PDE1C: variants seen among roughly 807,000 people sequenced by gnomAD.
The protein encoded by PDE1C is phosphodiesterase 1C.
In PDE1C, 62 loss-of-function variants were observed where a neutral mutation model predicts 93.1. The observed-to-expected ratio is 0.67, with a 90% CI of 0.54 to 0.82. PDE1C has a LOEUF of 0.82. Among genes scored for constraint, PDE1C ranks in the 40% least tolerant of loss-of-function variants. The pLI is 0.00. For missense variants in PDE1C, 742 were observed against 884.6 expected, an observed-to-expected ratio of 0.84 and a Z score of 2.04; for synonymous variants, 325 against 310.1, an observed-to-expected ratio of 1.05 and a Z score of -0.50.
chr7:31,685,249 G>A, the PDE1C span, among the ~76,000 whole-genome samples: 1 of 152,174 alleles, frequency 6.6e-6, no homozygotes, highest in African/African-American at 2.4e-5. Flanking sequence ...AAGTGATTGG[G>A]AGCAGGAGGT....
At chr7:31,647,718 A>C in the PDE1C span, among the ~76,000 whole-genome samples, 1 of 151,022 alleles carries the variant, frequency 6.6e-6, no homozygotes, top group Non-Finnish European at 1.5e-5. Context: ...GAAGACGATG[A>C]CGACAACGAC....
intron 2 of PDE1C, among the ~76,000 whole-genome samples, chr7:32,187,648 G>A (rs1231633685): frequency 6.6e-6 from 1 of 152,068 alleles, no homozygotes; most frequent in African/African-American, 2.4e-5. Context: ...ATAATCTAGA[G>A]CAACACTGTT....
chr7:31,922,902 T>C (rs1453970704), intron 2 of PDE1C, among the ~76,000 whole-genome samples: 1 of 152,236 alleles, frequency 6.6e-6, no homozygotes, highest in Non-Finnish European at 1.5e-5. Flanking sequence ...TTTATGACTA[T>C]TGGGAAAGTG....
chr7:32,106,995 A>G (rs915863561), intron 3 of PDE1C, among the ~76,000 whole-genome samples: 1 of 151,758 alleles, frequency 6.6e-6, no homozygotes, highest in African/African-American at 2.4e-5. Flanking sequence ...AAAAAAAAAA[A>G]AAGGAAATGC....
At chr7:32,028,680 A>C (rs973902013) in intron 2 of PDE1C, among the ~76,000 whole-genome samples, 3 of 152,114 alleles carry the variant, frequency 2.0e-5, no homozygotes, top group Non-Finnish European at 4.4e-5. Flanking sequence ...CATCACCTTA[A>C]ATACTTAATT....
At position 32,304,960 on chromosome 7, in the gene PDE1C, A is replaced by G. The variant is rs114024424; in HGVS notation, c.311-95421T>C. Among the ~76,000 whole-genome samples the G allele has an allele frequency of 2.7e-3, 411 of 152,280 alleles. 1 individual carries two copies. The highest frequency in any genetic ancestry group is 9.2e-3 in the African/African-American group (381 of 41,552). On this transcript the variant is annotated intron_variant, in intron 1 of 1. Transcript: ENST00000672256. ...TTCTACAGAGTGCTTAAGTTAATCC[A>G]TAATCAGGGGCAAGAGGAACAGGGT...
At chr7:31,675,994 T>A in the PDE1C span, among the ~76,000 whole-genome samples, 1 of 152,248 alleles carries the variant, frequency 6.6e-6, no homozygotes, top group South Asian at 2.1e-4. Context: ...TTGGCTCCCA[T>A]CTCCCAGAGT....
intron 7 of PDE1C, among the ~76,000 whole-genome samples, chr7:31,854,297 A>G (rs1361488738): frequency 6.6e-6 from 1 of 152,180 alleles, no homozygotes; most frequent in Admixed American, 6.5e-5. Context: ...TTCCTATTTT[A>G]ATATACCTCA....
At chr7:32,420,271 GTA>G (rs1268708270) in intron 1 of PDE1C, among the ~76,000 whole-genome samples, 64 of 36,166 alleles carry the variant, frequency 1.8e-3, no homozygotes, top group Non-Finnish European at 3.3e-3. Flanking sequence ...ATATATATGT[GTA>G]TATATATACA....
intron 3 of PDE1C, among the ~76,000 whole-genome samples, chr7:32,151,561 C>T (rs1801259853): frequency 6.6e-6 from 1 of 152,068 alleles, no homozygotes; most frequent in Non-Finnish European, 1.5e-5. Flanking sequence ...TACTCAGCAA[C>T]AAAAAGAAAT....
chr7:31,981,550 C>T (rs1031457610), intron 2 of PDE1C, among the ~76,000 whole-genome samples: 1 of 152,190 alleles, frequency 6.6e-6, no homozygotes, highest in African/African-American at 2.4e-5. Flanking sequence ...AATATTTTTA[C>T]TCTTTAAGAA....
rs568270590 is a variant in PDE1C, at chr7:31,880,523, T to C, written c.242+224A>G. The stretch of plus-strand genomic sequence containing the variant: ...CTTTCATGATCTCACTTCCTTGTCA[T>C]GGCGGCCATATGAGATTTGTTCTAT... On this transcript the variant is annotated intron_variant, in intron 3 of 17. Transcript: ENST00000396191. Among the ~76,000 whole-genome samples the C allele has an allele frequency of 2.0e-5, 3 of 152,334 alleles. No homozygotes were observed. The South Asian group carries it at 6.2e-4, about 32-fold the overall frequency.
At chr7:32,093,175 A>G (rs1362811731) in intron 3 of PDE1C, among the ~76,000 whole-genome samples, 2 of 152,238 alleles carry the variant, frequency 1.3e-5, no homozygotes, top group Non-Finnish European at 2.9e-5. Context: ...ATGACTGCCT[A>G]GAGGGTTTAC....
intron 2 of PDE1C, chr7:31,893,411 G>T: frequency 1.2e-6 from 1 of 868,472 alleles, no homozygotes; most frequent in Non-Finnish European, 1.4e-6. Context: ...CGTGTCAAAA[G>T]CCTAAAGCTT....
intron 2 of PDE1C, among the ~76,000 whole-genome samples, chr7:32,194,809 T>G (rs1804501648): frequency 6.6e-6 from 1 of 152,214 alleles, no homozygotes; most frequent in African/African-American, 2.4e-5. Flanking sequence ...CTTCTTTTAT[T>G]TTTTATTTCC....
chr7:32,318,967 C>T (rs1783229831), intron 1 of PDE1C, among the ~76,000 whole-genome samples: 1 of 152,200 alleles, frequency 6.6e-6, no homozygotes, highest in African/African-American at 2.4e-5. Flanking sequence ...TGCATTGAGA[C>T]TTGGTTTCTC....
the PDE1C span, among the ~76,000 whole-genome samples, chr7:31,671,888 CCT>C: frequency 6.6e-6 from 1 of 152,184 alleles, no homozygotes; most frequent in Admixed American, 6.5e-5. Context: ...AATTTTTCCT[CCT>C]CTCTCACCTA....
At chr7:31,692,451 A>T in the PDE1C span, 1 of 1,610,280 alleles carries the variant, frequency 6.2e-7, no homozygotes, top group Non-Finnish European at 8.5e-7. Context: ...GATGATGTCC[A>T]CTGAGCAAAT....
chr7:32,174,882 T>C (rs754484510), intron 2 of PDE1C, among the ~76,000 whole-genome samples: 2 of 152,098 alleles, frequency 1.3e-5, no homozygotes, highest in Non-Finnish European at 2.9e-5. Flanking sequence ...TGAAATTACA[T>C]CTTACCCATA....
Sources: allele counts gnomAD v4.1 joint callset (sites outside exome capture counted in the v4.1 genomes callset), GRCh38; gene constraint gnomAD v4.1.1; transcripts MANE v1.5; gene names NCBI Gene and HGNC (gene_info 2026-07-23, HGNC 2026-07-21).